The following NKAIN2 variants were observed in gnomAD, a reference collection of about 807,000 sequenced individuals.
The protein encoded by NKAIN2 is sodium/potassium-transporting ATPase subunit beta-1-interacting protein 2.
NKAIN2 carries 14 observed loss-of-function variants against 32.6 expected under a neutral mutation model. The ratio of observed to expected loss-of-function variants is 0.43; its 90% CI spans 0.28 to 0.67. The LOEUF (loss-of-function observed/expected upper bound fraction) is 0.67. NKAIN2 is among the 30% of genes least tolerant of loss of function. The pLI is 0.17. For synonymous variants in NKAIN2, 80 were observed against 87.2 expected (o/e 0.92, Z 0.46); for missense variants, 198 against 258.3 (o/e 0.77, Z 1.60).
In NKAIN2 at chr6:124,441,478, G is replaced by C. The variant is rs190422648; in HGVS notation, c.273+86131G>C. 4.2e-3 allele frequency among the ~76,000 whole-genome samples: 642 copies of C among 152,156 alleles called. 9 individuals carry two copies. The highest frequency in any genetic ancestry group is 0.015 in the African/African-American group (618 of 41,552). On this transcript the variant is annotated intron_variant, in intron 3 of 6. Transcript: ENST00000368417. ...GACTTACAAAGCCAGATTAGAAAAG[G>C]TGATCCAGTTCTCGCCTGGCTCTAC...
chr6:124,633,156 G>T (rs1168389538), intron 3 of NKAIN2, among the ~76,000 whole-genome samples: 4 of 152,120 alleles, frequency 2.6e-5, no homozygotes, highest in Non-Finnish European at 5.9e-5. Context: ...TGAGAGGCAA[G>T]AAAGTACAGT....
intron 4 of NKAIN2, among the ~76,000 whole-genome samples, chr6:124,677,405 G>C (rs772662611): frequency 3.5e-4 from 53 of 151,828 alleles, no homozygotes; most frequent in Non-Finnish European, 5.9e-5. Context: ...TGGTCTTGTA[G>C]GTTTTTTTCA....
chr6:124,811,350 G>C (rs1043537725), intron 5 of NKAIN2, among the ~76,000 whole-genome samples: 1 of 151,936 alleles, frequency 6.6e-6, no homozygotes, highest in Non-Finnish European at 1.5e-5. Context: ...TAATAACCAA[G>C]GGACAATTTT....
At chr6:123,933,846 AT>A (rs1379604195) in intron 1 of NKAIN2, among the ~76,000 whole-genome samples, 1 of 152,190 alleles carries the variant, frequency 6.6e-6, no homozygotes, top group Non-Finnish European at 1.5e-5. Context: ...CTCACGGGTC[AT>A]TTTGTACTCT....
chr6:124,555,494 G>C (rs913166151), intron 3 of NKAIN2, among the ~76,000 whole-genome samples: 3 of 152,112 alleles, frequency 2.0e-5, no homozygotes, highest in East Asian at 3.9e-4. Flanking sequence ...TATGAAAATA[G>C]ATGATTAAAA....
At chr6:124,230,084 C>A (rs1792370578) in intron 1 of NKAIN2, among the ~76,000 whole-genome samples, 1 of 152,034 alleles carries the variant, frequency 6.6e-6, no homozygotes, top group Non-Finnish European at 1.5e-5. Context: ...GACCCAAATG[C>A]TGATGGTATG....
chr6:124,809,824 G>C (rs1462297595), intron 5 of NKAIN2, among the ~76,000 whole-genome samples: 1 of 144,106 alleles, frequency 6.9e-6, no homozygotes, highest in Non-Finnish European at 1.5e-5. Context: ...GTGGGCGAAG[G>C]ACATGAACAA....
At chr6:124,364,631 CT>C (rs1165390379) in intron 3 of NKAIN2, among the ~76,000 whole-genome samples, 1 of 151,992 alleles carries the variant, frequency 6.6e-6, no homozygotes, top group East Asian at 1.9e-4. Context: ...ATTCTTTACC[CT>C]GCAAAAATAT....
intron 3 of NKAIN2, among the ~76,000 whole-genome samples, 184 bp downstream of exon 3, chr6:124,355,531 G>A (rs1029679003): frequency 9.8e-5 from 14 of 142,270 alleles, no homozygotes; most frequent in Non-Finnish European, 1.6e-4. Context: ...TCACAAAAAT[G>A]TACTTTTTCT....
chr6:123,953,390 C>T (rs894248437), intron 1 of NKAIN2, among the ~76,000 whole-genome samples: 9 of 152,096 alleles, frequency 5.9e-5, no homozygotes, highest in South Asian at 4.1e-4. Flanking sequence ...GTAGTTCAGC[C>T]GTGGGCCAGG....
intron 1 of NKAIN2, among the ~76,000 whole-genome samples, chr6:123,848,080 G>A (rs1775166807): frequency 6.6e-6 from 1 of 152,222 alleles, no homozygotes; most frequent in Non-Finnish European, 1.5e-5. Flanking sequence ...ACACTGTTAA[G>A]TGAGGAAAGT....
chr6:123,807,190 C>G (rs1256237036), intron 1 of NKAIN2, among the ~76,000 whole-genome samples: 2 of 152,026 alleles, frequency 1.3e-5, no homozygotes, highest in Admixed American at 6.5e-5. Context: ...GTTTATAAAA[C>G]AAGAAACTAG....
At chr6:124,452,838 G>A (rs1776163182) in intron 3 of NKAIN2, among the ~76,000 whole-genome samples, 1 of 152,084 alleles carries the variant, frequency 6.6e-6, no homozygotes, top group South Asian at 2.1e-4. Context: ...AAATTCGGGT[G>A]CAGTAATAAT....
chr6:124,024,499 G>A (rs949814872), intron 1 of NKAIN2, among the ~76,000 whole-genome samples: 2 of 152,028 alleles, frequency 1.3e-5, no homozygotes, highest in Non-Finnish European at 2.9e-5. Context: ...ATAACAAAAT[G>A]AATATTTAAT....
intron 1 of NKAIN2, among the ~76,000 whole-genome samples, chr6:123,807,322 C>T (rs1220691201): frequency 2.0e-5 from 3 of 151,922 alleles, no homozygotes; most frequent in African/African-American, 4.8e-5. Context: ...AGGGTGATTC[C>T]TACGTAAAGG....
intron 3 of NKAIN2, among the ~76,000 whole-genome samples, chr6:124,432,784 CCAGATTTGG>C (rs1159378548): frequency 1.3e-5 from 2 of 152,022 alleles, no homozygotes; most frequent in African/African-American, 2.4e-5. Flanking sequence ...AATCAGCTTC[CCAGATTTGG>C]CTTCACAGTC....
At chr6:124,575,625 C>T (rs991307266) in intron 3 of NKAIN2, among the ~76,000 whole-genome samples, 2 of 152,154 alleles carry the variant, frequency 1.3e-5, no homozygotes. Context: ...AGTCTTGTGC[C>T]ACCAGGCCTG....
intron 6 of NKAIN2, among the ~76,000 whole-genome samples, chr6:124,821,837 C>T: frequency 6.6e-6 from 1 of 152,116 alleles, no homozygotes; most frequent in South Asian, 2.1e-4. Context: ...ACCTCGGATC[C>T]TAGAACAGTA....
At chr6:124,155,360 T>A (rs770991980) in intron 1 of NKAIN2, among the ~76,000 whole-genome samples, 33 of 152,110 alleles carry the variant, frequency 2.2e-4, no homozygotes, top group Admixed American at 7.2e-4. Context: ...ATGGATATGC[T>A]AATTGCCCTG....
Sources: allele counts gnomAD v4.1 joint callset (sites outside exome capture counted in the v4.1 genomes callset), GRCh38; gene constraint gnomAD v4.1.1; transcripts MANE v1.5; gene names NCBI Gene and HGNC (gene_info 2026-07-23, HGNC 2026-07-21).